Variants in STRIP2 observed in about 807,000 individuals in gnomAD.
The protein encoded by STRIP2 is striatin-interacting protein 2.
STRIP2 carries 84 observed loss-of-function variants against 107.1 expected under a neutral mutation model. That is an observed-to-expected ratio of 0.78 (90% CI 0.66 to 0.94). The LOEUF (loss-of-function observed/expected upper bound fraction) is 0.94. Ranked by LOEUF, STRIP2 falls within the 40% of genes least tolerant of loss-of-function variation. The probability of loss-of-function intolerance (pLI) is 0.00; values close to 1 mark genes in which losing one functional copy is unlikely to be tolerated. For missense variants in STRIP2, 888 were observed against 1,034.2 expected, an observed-to-expected ratio of 0.86 and a Z score of 1.94; for synonymous variants, 394 against 400.4, an observed-to-expected ratio of 0.98 and a Z score of 0.19.
chr7:129,436,462 G>A (rs1797741322), intron 1 of STRIP2, among the ~76,000 whole-genome samples: 1 of 152,164 alleles, frequency 6.6e-6, no homozygotes, highest in South Asian at 2.1e-4. Context: ...CTGCACCGCG[G>A]TTTACCTGCT....
intron 9 of STRIP2, 100 bp downstream of exon 9, chr7:129,456,742 G>T (rs1409161322): frequency 1.7e-6 from 2 of 1,159,078 alleles, no homozygotes. Flanking sequence ...TAAATGACCC[G>T]GCTCATCCTG....
At chr7:129,438,837 T>G (rs576880346) in intron 1 of STRIP2, among the ~76,000 whole-genome samples, 1 of 152,258 alleles carries the variant, frequency 6.6e-6, no homozygotes, top group Non-Finnish European at 1.5e-5. Flanking sequence ...GAATTATAAT[T>G]TTATTATAAA....
At position 129,444,093 on chromosome 7, in the gene STRIP2, C is replaced by T. The variant is rs188667178; in HGVS notation, c.269C>T (p.Thr90Ile). ...NRRCFEEDFK[T>I]QVQGKEWLEL... ...AGGTGCTTTGAAGAAGATTTCAAGA[C>T]TCAAGGTAATTCCAGATCTTTACTC... The change falls in exon 3 of 21, where the codon ACT becomes ATT. Residue 90 changes from threonine to isoleucine, a missense_variant. Physicochemically the swap from Thr to Ile is moderately conservative, Grantham distance 89. Transcript: ENST00000249344. 72 of 1,611,504 alleles carry T rather than the reference C, an allele frequency of 4.5e-5. 1 individual carries two copies. The East Asian group carries it at 1.5e-3, about 33-fold the overall frequency.
chr7:129,460,258 A>T, intron 12 of STRIP2, 43 bp from the exon 13 acceptor site: 2 of 1,567,470 alleles, frequency 1.3e-6, no homozygotes, highest in Non-Finnish European at 8.7e-7. Context: ...ACACATGTGA[A>T]TGAGGCCCTC....
intron 9 of STRIP2, among the ~76,000 whole-genome samples, chr7:129,457,555 A>G (rs1336459882): frequency 2.6e-5 from 4 of 152,230 alleles, no homozygotes; most frequent in Non-Finnish European, 4.4e-5. Flanking sequence ...CAGTTTATCA[A>G]CAGGGCTAGA....
At chr7:129,459,494 C>A in intron 11 of STRIP2, 23 bp from the exon 12 acceptor site, 1 of 1,610,008 alleles carries the variant, frequency 6.2e-7, no homozygotes, top group Middle Eastern at 1.7e-4. Flanking sequence ...AGCTTATGAT[C>A]TGGTATGTCT....
At chr7:129,470,604 T>C in intron 17 of STRIP2, 45 bp from the exon 18 acceptor site, 1 of 1,497,346 alleles carries the variant, frequency 6.7e-7, no homozygotes, top group South Asian at 1.1e-5. Flanking sequence ...CAATTCCTGC[T>C]GTTGCCATTT....
intron 13 of STRIP2, among the ~76,000 whole-genome samples, chr7:129,462,105 G>A (rs948225993): frequency 6.6e-6 from 1 of 152,222 alleles, no homozygotes; most frequent in Admixed American, 6.5e-5. Context: ...GTCAGCAACT[G>A]TTTAGGGATG....
intron 16 of STRIP2, among the ~76,000 whole-genome samples, chr7:129,467,017 G>T (rs778675463): frequency 1.8e-4 from 28 of 152,344 alleles, no homozygotes; most frequent in Non-Finnish European, 3.4e-4. Context: ...CAGAGGTTTG[G>T]CATGGAAAAC....
chr7:129,467,230 A>G (rs1291895663), intron 16 of STRIP2, 120 bp from the exon 17 acceptor site: 1 of 725,934 alleles, frequency 1.4e-6, no homozygotes, highest in Non-Finnish European at 2.3e-6. Flanking sequence ...CTGATAACAC[A>G]AGTGGATAGT....
At chr7:129,454,756 T>G (rs1447501511) in intron 7 of STRIP2, among the ~76,000 whole-genome samples, 2 of 152,186 alleles carry the variant, frequency 1.3e-5, no homozygotes, top group Non-Finnish European at 2.9e-5. Context: ...TATGCCTTGG[T>G]TTCCTTGGTT....
Position 129,458,792 on chromosome 7 carries a change from G to C in STRIP2, c.1340+15G>C, listed in dbSNP as rs1798442044. On this transcript the variant is annotated intron_variant, in intron 11 of 20. Coordinates refer to ENST00000249344, the MANE Select transcript of STRIP2 (RefSeq NM_020704.3). This position sits in a 1 kb window ranked among gnomAD's most constrained non-coding sequence, Gnocchi z 4.6. ...ACCCTGGGGCAGTAAGTGACTGAAT[G>C]GCTGGAACTGGCTACAGAGTGGTTC... 1 of 1,613,712 alleles carries C rather than the reference G, an allele frequency of 6.2e-7. No homozygotes were observed. The highest frequency in any genetic ancestry group is 2.2e-5 in the East Asian group (1 of 44,894).
At chr7:129,459,196 G>A (rs1798456881) in intron 11 of STRIP2, among the ~76,000 whole-genome samples, 2 of 152,102 alleles carry the variant, frequency 1.3e-5, no homozygotes, top group Non-Finnish European at 2.9e-5. Context: ...TGAAAATTGA[G>A]TCCTTATTAG....
intron 3 of STRIP2, among the ~76,000 whole-genome samples, chr7:129,444,385 C>A (rs546033976): frequency 2.0e-4 from 31 of 152,118 alleles, no homozygotes; most frequent in Non-Finnish European, 2.6e-4. Flanking sequence ...GTCCGATATT[C>A]GAGGGCAGGA....
intron 14 of STRIP2, 125 bp from the exon 15 acceptor site, chr7:129,463,919 C>A: frequency 1.4e-6 from 1 of 696,220 alleles, no homozygotes; most frequent in Non-Finnish European, 2.5e-6. Flanking sequence ...GAGATATGGT[C>A]ATTGAGGGAA....
intron 14 of STRIP2, among the ~76,000 whole-genome samples, chr7:129,463,670 T>A (rs552763421): frequency 6.6e-6 from 1 of 152,304 alleles, no homozygotes; most frequent in Admixed American, 6.5e-5. Flanking sequence ...AGTTTTTGTA[T>A]TTTTAGTAGA....
At chr7:129,472,713 A>G (rs888227100) in intron 18 of STRIP2, among the ~76,000 whole-genome samples, 2 of 151,640 alleles carry the variant, frequency 1.3e-5, no homozygotes, top group Non-Finnish European at 2.9e-5. Context: ...TTTCAGGCTT[A>G]ACAAATTGCA....
chr7:129,463,920 A>G, intron 14 of STRIP2, 124 bp from the exon 15 acceptor site: 1 of 702,950 alleles, frequency 1.4e-6, no homozygotes, highest in Non-Finnish European at 2.5e-6. Context: ...AGATATGGTC[A>G]TTGAGGGAAG....
intron 18 of STRIP2, among the ~76,000 whole-genome samples, chr7:129,477,252 CT>C (rs1367545559): frequency 8.3e-6 from 1 of 120,848 alleles, no homozygotes; most frequent in Non-Finnish European, 1.7e-5. Context: ...CTATTGATAT[CT>C]TTTTTACTTT....
Sources: allele counts gnomAD v4.1 joint callset (sites outside exome capture counted in the v4.1 genomes callset), GRCh38; gene constraint gnomAD v4.1.1; non-coding constraint Gnocchi (gnomAD v3.1); transcripts MANE v1.5; gene names NCBI Gene and HGNC (gene_info 2026-07-23, HGNC 2026-07-21).